SV2C: variants seen among roughly 807,000 people sequenced by gnomAD.
SV2C encodes the protein solute carrier family 22 member B3.
In SV2C, 49 loss-of-function variants were observed where a neutral mutation model predicts 79.7. The observed-to-expected ratio is 0.61, with a 90% CI of 0.49 to 0.78. The LOEUF is 0.78. Among genes scored for constraint, SV2C ranks in the 30% least tolerant of loss-of-function variants. The probability of loss-of-function intolerance (pLI) is 0.00; values close to 1 mark genes in which losing one functional copy is unlikely to be tolerated. For synonymous variants in SV2C, 334 were observed against 333.2 expected (o/e 1.00, Z -0.03); for missense variants, 833 against 912.9 (o/e 0.91, Z 1.13).
At chr5:76,171,603 A>G (rs1366732362) in intron 2 of SV2C, among the ~76,000 whole-genome samples, 12 of 130,560 alleles carry the variant, frequency 9.2e-5, no homozygotes, top group African/African-American at 2.0e-4. Flanking sequence ...CGTCCAGGAG[A>G]GAGGTGGGGG....
chr5:76,231,433 TTTA>T (rs138430295), intron 4 of SV2C, among the ~76,000 whole-genome samples: 2 of 122,558 alleles, frequency 1.6e-5, no homozygotes, highest in African/African-American at 1.3e-4. Context: ...GCTGATTTTA[TTTA>T]TTTATTTTTT....
intron 12 of SV2C, among the ~76,000 whole-genome samples, chr5:76,315,538 C>G (rs529211865): frequency 6.6e-6 from 1 of 152,098 alleles, no homozygotes; most frequent in South Asian, 2.1e-4. Flanking sequence ...CAGCTCCACT[C>G]CCCCAGAGGT....
the SV2C span, among the ~76,000 whole-genome samples, chr5:75,859,037 AT>A: frequency 3.3e-5 from 5 of 150,308 alleles, no homozygotes; most frequent in African/African-American, 1.2e-4. Flanking sequence ...CCAAAGAACC[AT>A]TTTTTCTTTT....
chr5:76,253,146 A>C (rs532926062), intron 4 of SV2C, among the ~76,000 whole-genome samples: 1 of 152,360 alleles, frequency 6.6e-6, no homozygotes, highest in African/African-American at 2.4e-5. Context: ...TGATCAATAA[A>C]ATCAGAAAAA....
chr5:75,900,071 G>A, the SV2C span, among the ~76,000 whole-genome samples: 6 of 152,252 alleles, frequency 3.9e-5, no homozygotes, highest in Admixed American at 2.0e-4. Context: ...TACATTTAAA[G>A]TTAATATTGT....
chr5:76,211,821 T>G (rs1477503293), intron 4 of SV2C, among the ~76,000 whole-genome samples: 1 of 152,208 alleles, frequency 6.6e-6, no homozygotes, highest in African/African-American at 2.4e-5. Flanking sequence ...AGTTACAAAA[T>G]CATGTCACAC....
At chr5:75,871,834 T>TAC in the SV2C span, among the ~76,000 whole-genome samples, 1,654 of 118,816 alleles carry the variant, frequency 0.014, 28 homozygotes, top group Admixed American at 0.037. Flanking sequence ...TATATATATA[T>TAC]ACACACACAC....
At chr5:76,104,678 T>C (rs1477273732) in intron 1 of SV2C, among the ~76,000 whole-genome samples, 1 of 152,216 alleles carries the variant, frequency 6.6e-6, no homozygotes, top group Non-Finnish European at 1.5e-5. Context: ...TTCTACATTC[T>C]GTTTGCGATA....
chr5:76,125,668 A>T (rs1748682193), intron 1 of SV2C, among the ~76,000 whole-genome samples: 3 of 152,198 alleles, frequency 2.0e-5, no homozygotes, highest in Admixed American at 2.0e-4. Flanking sequence ...CACAAGGTGC[A>T]GATTGCACCT....
the SV2C span, among the ~76,000 whole-genome samples, chr5:76,054,913 A>C: frequency 1.3e-5 from 2 of 151,976 alleles, no homozygotes; most frequent in African/African-American, 4.8e-5. Context: ...TTGTCAGATG[A>C]GTTGATTGCA....
chr5:76,015,394 A>G, the SV2C span, among the ~76,000 whole-genome samples: 1 of 152,160 alleles, frequency 6.6e-6, no homozygotes, highest in Admixed American at 6.6e-5. Context: ...TGTCTGATAG[A>G]TGCACTTTGT....
At chr5:76,263,631 C>G (rs1580000501) in intron 4 of SV2C, among the ~76,000 whole-genome samples, 1 of 152,186 alleles carries the variant, frequency 6.6e-6, no homozygotes, top group East Asian at 1.9e-4. Flanking sequence ...TTAGTGCTTC[C>G]TTCAGGAGTT....
chr5:76,248,450 A>G (rs1746013740), intron 4 of SV2C, among the ~76,000 whole-genome samples: 2 of 152,036 alleles, frequency 1.3e-5, no homozygotes, highest in African/African-American at 2.4e-5. Flanking sequence ...ATTCAGGCCC[A>G]CCTTAATGAA....
chr5:75,872,599 A>G, the SV2C span, among the ~76,000 whole-genome samples: 1 of 152,202 alleles, frequency 6.6e-6, no homozygotes, highest in Non-Finnish European at 1.5e-5. Context: ...TTATACAAGT[A>G]TTGGAAAAGC....
the SV2C span, chr5:75,911,442 T>A: frequency 4.1e-6 from 4 of 977,464 alleles, no homozygotes; most frequent in East Asian, 9.6e-5. Context: ...CCAGAGCCAC[T>A]CCAAACCCCA....
chr5:76,236,844 C>T (rs1433011937), intron 4 of SV2C, among the ~76,000 whole-genome samples: 1 of 152,152 alleles, frequency 6.6e-6, no homozygotes, highest in Non-Finnish European at 1.5e-5. Context: ...AAATTGTAAT[C>T]CCCATAATCC....
At chr5:76,163,281 G>A (rs1197554084) in intron 2 of SV2C, among the ~76,000 whole-genome samples, 5 of 152,226 alleles carry the variant, frequency 3.3e-5, no homozygotes, top group South Asian at 4.2e-4. Context: ...TCATCCTTGC[G>A]TTACCAGTGC....
chr5:75,890,407 T>C, the SV2C span, among the ~76,000 whole-genome samples: 1 of 152,134 alleles, frequency 6.6e-6, no homozygotes, highest in Non-Finnish European at 1.5e-5. Flanking sequence ...AGCCTAGCCA[T>C]TGCTTTGGAG....
chr5:76,150,435 C>A (rs887289339), intron 2 of SV2C, among the ~76,000 whole-genome samples: 68 of 152,100 alleles, frequency 4.5e-4, no homozygotes, highest in African/African-American at 1.6e-3. Flanking sequence ...CTTGGCCTCC[C>A]AAAATGCTGG....
Sources: allele counts gnomAD v4.1 joint callset (sites outside exome capture counted in the v4.1 genomes callset), GRCh38; gene constraint gnomAD v4.1.1; transcripts MANE v1.5; gene names NCBI Gene and HGNC (gene_info 2026-07-23, HGNC 2026-07-21).